Variants in DCUN1D1 observed in about 807,000 individuals in gnomAD.
DCUN1D1 encodes defective in cullin neddylation 1 domain containing 1, also known as DCN1-like protein 1.
A neutral mutation model predicts 39.0 loss-of-function variants in DCUN1D1; 3 were observed. The observed-to-expected ratio is 0.08, with a 90% confidence interval of 0.04 to 0.20. The LOEUF (loss-of-function observed/expected upper bound fraction) is 0.20, where lower values mean the gene tolerates loss of function less well. Ranked by LOEUF, DCUN1D1 falls within the 10% of genes least tolerant of loss-of-function variation. The pLI, the probability that DCUN1D1 is intolerant of heterozygous loss-of-function variation, is 1.00. For synonymous variants in DCUN1D1, 82 were observed against 96.3 expected (o/e 0.85, Z 0.87); for missense variants, 158 against 302.4 (o/e 0.52, Z 3.54).
chr3:182,969,717 T>C (rs1727839649), intron 1 of DCUN1D1, among the ~76,000 whole-genome samples: 1 of 152,128 alleles, frequency 6.6e-6, no homozygotes, highest in South Asian at 2.1e-4. Context: ...AAACAGAATA[T>C]ATTTTGCTTT....
At position 182,964,134 on chromosome 3, in the gene DCUN1D1, T is replaced by C. The variant is rs1727543403; in HGVS notation, c.221-85A>G. 9.7e-6 allele frequency: 11 copies of C among 1,133,210 alleles called. No homozygotes were observed. In the South Asian group the frequency reaches 1.5e-4, roughly 16 times the overall value. 70.2% of individuals were successfully genotyped at this position (1,133,210 alleles called of 1,614,324 possible). A position where few individuals can be genotyped will look rare whatever the true frequency, so the allele number is the denominator to read the frequency against. ...GAAAAAGGTAATGCTTTATATGCCA[T>C]TTTTTAAATGACCACAATATATGGA... is the stretch of plus-strand genomic sequence containing the variant. On this transcript the variant is annotated intron_variant, in intron 2 of 6. Transcript: ENST00000292782.
intron 3 of DCUN1D1, among the ~76,000 whole-genome samples, chr3:182,961,570 T>G (rs955189143): frequency 2.0e-5 from 3 of 152,186 alleles, no homozygotes; most frequent in African/African-American, 7.2e-5. Flanking sequence ...TTCTAAATAA[T>G]TACTTTTAAA....
intron 4 of DCUN1D1, among the ~76,000 whole-genome samples, chr3:182,958,584 G>T (rs1727216514): frequency 6.6e-6 from 1 of 152,122 alleles, no homozygotes; most frequent in Non-Finnish European, 1.5e-5. Flanking sequence ...GTGCAGTTCA[G>T]TGTGAAGTAC....
intron 4 of DCUN1D1, among the ~76,000 whole-genome samples, chr3:182,948,122 G>A (rs1041133974): frequency 2.6e-5 from 4 of 152,118 alleles, no homozygotes; most frequent in Non-Finnish European, 4.4e-5. Context: ...TCCATATATT[G>A]CCAAAGACAA....
At chr3:182,956,066 T>A (rs1307400493) in intron 4 of DCUN1D1, 1 of 156,128 alleles carries the variant, frequency 6.4e-6, no homozygotes, top group Non-Finnish European at 1.4e-5. Context: ...GTAGCTGGGA[T>A]TACAGGCAGG....
chr3:182,947,668 T>TATAA (rs779451910), intron 4 of DCUN1D1, 36 bp from the exon 5 acceptor site: 1 of 1,187,760 alleles, frequency 8.4e-7, no homozygotes, highest in Non-Finnish European at 1.2e-6. Context: ...ATTTAAATGC[T>TATAA]ATAAATATTT....
chr3:182,980,673 G>A (rs1173549197), upstream of DCUN1D1: 16 of 760,064 alleles, frequency 2.1e-5, no homozygotes, highest in African/African-American at 5.7e-5. Context: ...GCAGGCGGAG[G>A]GCGCCCCGCG....
At chr3:182,978,654 C>A (rs1728364730) in intron 1 of DCUN1D1, among the ~76,000 whole-genome samples, 1 of 152,184 alleles carries the variant, frequency 6.6e-6, no homozygotes, top group Non-Finnish European at 1.5e-5. Context: ...GGATTACAGG[C>A]ATGAGCCACC....
chr3:182,945,829 C>G (rs1726369253), intron 6 of DCUN1D1, among the ~76,000 whole-genome samples: 1 of 152,170 alleles, frequency 6.6e-6, no homozygotes, highest in South Asian at 2.1e-4. Context: ...ACATGCCCAT[C>G]ACCAAGTCAG....
At position 182,975,253 on chromosome 3, in the gene DCUN1D1, T is replaced by C. The variant is rs574782577; in HGVS notation, c.3+5234A>G. Among the ~76,000 whole-genome samples, 10 of 151,164 alleles carry C rather than the reference T, an allele frequency of 6.6e-5. No homozygotes were observed. In the South Asian group the frequency reaches 2.1e-3, roughly 32 times the overall value. On this transcript the variant is annotated intron_variant, in intron 1 of 6. Transcript: ENST00000292782. ...GTGCAGTGGTGCGATCTCGGCTCACTGCAAGCTCCACCTCCTGGGTTCACG... is the reference window on the plus strand; with the variant it reads ...GTGCAGTGGTGCGATCTCGGCTCACCGCAAGCTCCACCTCCTGGGTTCACG...
rs577731953 is a variant in DCUN1D1 at position 182,970,327 on chromosome 3, A to C, written c.4-4574T>G. ...TTTTAAATAATAGTTTATCTGAAGAAAAAATAATAAAGTTTAAAAAGCCTT... is the reference window on the plus strand; with the variant it reads ...TTTTAAATAATAGTTTATCTGAAGACAAAATAATAAAGTTTAAAAAGCCTT... On this transcript the variant is annotated intron_variant, in intron 1 of 6. Coordinates refer to ENST00000292782, the MANE Select transcript of DCUN1D1 (RefSeq NM_020640.4). Among the ~76,000 whole-genome samples, 6 of 152,352 alleles carry C rather than the reference A, an allele frequency of 3.9e-5. No individual in the cohort carries two copies. In the East Asian group the frequency reaches 5.8e-4, roughly 15 times the overall value.
chr3:182,947,859 T>G (rs1277940951), intron 4 of DCUN1D1, among the ~76,000 whole-genome samples: 2 of 152,226 alleles, frequency 1.3e-5, no homozygotes, highest in African/African-American at 4.8e-5. Context: ...ATACTACTTA[T>G]CTCACGGGGG....
chr3:182,967,930 A>G (rs1263595436), intron 1 of DCUN1D1, among the ~76,000 whole-genome samples: 1 of 152,194 alleles, frequency 6.6e-6, no homozygotes, highest in Non-Finnish European at 1.5e-5. Context: ...GAGTACCCTA[A>G]CATGTTTTAA....
chr3:182,939,907 AGTTC>A lies in DCUN1D1; in HGVS notation c.*5183_*5186del, dbSNP rs1269655366. 2.6e-5 allele frequency: 4 copies of A among 152,244 alleles called. No homozygotes were observed. Among genetic ancestry groups the A allele is most frequent in the African/African-American group, 9.6e-5 (4 of 41,460 alleles). The allele number at this position is 152,244 out of a possible 1,614,324, so 9.4% of individuals were successfully genotyped here. On this transcript the variant is annotated 3_prime_UTR_variant, in exon 7 of 7. Transcript: ENST00000292782. ...TCACTATTTTAAAGCTCTGGTTCAT[AGTTC>A]GTTCATTTGATATATTCAACACAAC...
At chr3:182,974,674 A>G (rs1327893375) in intron 1 of DCUN1D1, among the ~76,000 whole-genome samples, 2 of 152,092 alleles carry the variant, frequency 1.3e-5, no homozygotes, top group Non-Finnish European at 2.9e-5. Context: ...CCACATGTTT[A>G]TTAAAATGAA....
At chr3:182,973,804 G>C (rs1028250906) in intron 1 of DCUN1D1, among the ~76,000 whole-genome samples, 27 of 143,898 alleles carry the variant, frequency 1.9e-4, no homozygotes, top group African/African-American at 7.5e-4. Context: ...CGAAACTCCG[G>C]CTCAAAAAAA....
chr3:182,982,610 T>C (rs1728591958), upstream of DCUN1D1, among the ~76,000 whole-genome samples: 1 of 152,184 alleles, frequency 6.6e-6, no homozygotes, highest in African/African-American at 2.4e-5. Flanking sequence ...GCACCCTGCC[T>C]TCTATTTCTT....
chr3:182,973,840 A>C (rs1263399166), intron 1 of DCUN1D1, among the ~76,000 whole-genome samples: 1 of 152,094 alleles, frequency 6.6e-6, no homozygotes, highest in African/African-American at 2.4e-5. Flanking sequence ...GTATATCTGT[A>C]AGATTCAAAT....
At chr3:182,965,309 C>A (rs959064475) in intron 2 of DCUN1D1, among the ~76,000 whole-genome samples, 1 of 152,128 alleles carries the variant, frequency 6.6e-6, no homozygotes, top group Non-Finnish European at 1.5e-5. Flanking sequence ...TTCCCCATCC[C>A]CATTCTCAAC....
Sources: allele counts gnomAD v4.1 joint callset (sites outside exome capture counted in the v4.1 genomes callset), GRCh38; gene constraint gnomAD v4.1.1; transcripts MANE v1.5; gene names NCBI Gene and HGNC (gene_info 2026-07-23, HGNC 2026-07-21).